Variants in PTK2B observed in about 807,000 individuals in gnomAD.
The protein encoded by PTK2B is protein-tyrosine kinase 2-beta.
Under a neutral mutation model 142.9 loss-of-function variants are expected in PTK2B, and 71 were observed. The ratio of observed to expected loss-of-function variants is 0.50; its 90% confidence interval spans 0.41 to 0.61. The LOEUF is 0.61. Among genes scored for constraint, PTK2B ranks in the 20% least tolerant of loss-of-function variants. PTK2B has a pLI of 0.00. For missense variants in PTK2B, 1,105 were observed against 1,320.4 expected (o/e 0.84, Z 2.53); for synonymous variants, 519 against 503.4 (o/e 1.03, Z -0.42).
chr8:27,411,660 G>C lies in PTK2B; in HGVS notation c.205-8235G>C, dbSNP rs1388930659. ...CCTCGTTTGTATGACTCCAAAGTTA[G>C]AGCTCTATCTGTGTCACTCATGGTC... On this transcript the variant is annotated intron_variant, in intron 2 of 30. Transcript: ENST00000346049. 2.0e-5 allele frequency among the ~76,000 whole-genome samples: 3 copies of C among 152,302 alleles called. No homozygotes were observed. The East Asian group carries it at 5.8e-4, about 29-fold the overall frequency.
intron 1 of PTK2B, among the ~76,000 whole-genome samples, chr8:27,347,474 G>A (rs537370565): frequency 1.1e-4 from 16 of 152,250 alleles, no homozygotes; most frequent in African/African-American, 3.6e-4. Flanking sequence ...ATTTTCTCCC[G>A]GTACTGGAGG....
intron 2 of PTK2B, among the ~76,000 whole-genome samples, chr8:27,403,180 C>G (rs1050119477): frequency 4.1e-4 from 62 of 152,278 alleles, no homozygotes; most frequent in African/African-American, 1.4e-3. Flanking sequence ...CTCATTTTCC[C>G]AGTACTCAGA....
chr8:27,343,112 G>A (rs886660872), intron 1 of PTK2B, among the ~76,000 whole-genome samples: 10 of 152,192 alleles, frequency 6.6e-5, no homozygotes, highest in African/African-American at 2.4e-4. Flanking sequence ...CCCCAGAGCT[G>A]TATTAAGAAT....
At chr8:27,404,670 A>G (rs986726919) in intron 2 of PTK2B, among the ~76,000 whole-genome samples, 10 of 152,260 alleles carry the variant, frequency 6.6e-5, no homozygotes, top group Non-Finnish European at 1.0e-4. Context: ...TGATCATACA[A>G]TCCCTTCCAG....
At chr8:27,315,694 T>C (rs969331615) in intron 3 of PTK2B, among the ~76,000 whole-genome samples, 1 of 152,066 alleles carries the variant, frequency 6.6e-6, no homozygotes, top group African/African-American at 2.4e-5. Flanking sequence ...AGAGTAGAAA[T>C]TGTATCTTTT....
chr8:27,414,829 C>A (rs747253240), intron 2 of PTK2B, among the ~76,000 whole-genome samples: 4 of 152,076 alleles, frequency 2.6e-5, no homozygotes, highest in Non-Finnish European at 4.4e-5. Context: ...CTGTTTGGTT[C>A]TTTGCTCACT....
At chr8:27,376,870 A>G (rs529642504) in intron 1 of PTK2B, among the ~76,000 whole-genome samples, 3 of 152,370 alleles carry the variant, frequency 2.0e-5, no homozygotes, top group South Asian at 2.1e-4. Flanking sequence ...TGCTGTGTCT[A>G]TGGAGTAGCC....
chr8:27,394,664 A>T (rs927157329), intron 1 of PTK2B, among the ~76,000 whole-genome samples: 1 of 152,188 alleles, frequency 6.6e-6, no homozygotes, highest in African/African-American at 2.4e-5. Context: ...TAATAGATTA[A>T]CCTTAGCTTA....
chr8:27,357,071 G>C lies in PTK2B; in HGVS notation c.-38+31390G>C, dbSNP rs148494180. 1.4e-4 allele frequency among the ~76,000 whole-genome samples: 22 copies of C among 152,234 alleles called. No individual in the cohort carries two copies. In the East Asian group the frequency reaches 3.9e-3, roughly 27 times the overall value. ...CACCCACACATACGAATGAATCCATGTAAAAAAAATAATGAAAATGGGATC... is the reference window on the plus strand; with the variant it reads ...CACCCACACATACGAATGAATCCATCTAAAAAAAATAATGAAAATGGGATC... On this transcript the variant is annotated intron_variant, in intron 1 of 30. Transcript: ENST00000346049.
chr8:27,381,327 C>T (rs1207190353), intron 1 of PTK2B, among the ~76,000 whole-genome samples: 1 of 152,200 alleles, frequency 6.6e-6, no homozygotes, highest in East Asian at 1.9e-4. Context: ...ACCAACCTCT[C>T]TCCATCCACC....
chr8:27,395,713 T>C (rs1808004748), intron 1 of PTK2B, among the ~76,000 whole-genome samples: 1 of 152,190 alleles, frequency 6.6e-6, no homozygotes, highest in Non-Finnish European at 1.5e-5. Flanking sequence ...CATTCTTTCC[T>C]GGCTCCTAGA....
At chr8:27,314,670 C>T (rs894904993) in intron 3 of PTK2B, among the ~76,000 whole-genome samples, 1 of 152,226 alleles carries the variant, frequency 6.6e-6, no homozygotes, top group African/African-American at 2.4e-5. Context: ...TGTAATGGGG[C>T]CTTTGAGCCC....
intron 18 of PTK2B, among the ~76,000 whole-genome samples, chr8:27,438,625 T>C (rs1810953394): frequency 2.0e-5 from 3 of 152,252 alleles, no homozygotes; most frequent in Non-Finnish European, 2.9e-5. Context: ...GGTTGGAGTT[T>C]ATCCTTGAAG....
At chr8:27,402,535 T>A (rs1410488470) in intron 2 of PTK2B, among the ~76,000 whole-genome samples, 2 of 152,170 alleles carry the variant, frequency 1.3e-5, no homozygotes, top group Admixed American at 1.3e-4. Flanking sequence ...GGGAAAGGGT[T>A]CTGAATTACT....
At chr8:27,317,752 T>A (rs985742630) in intron 3 of PTK2B, among the ~76,000 whole-genome samples, 1 of 152,196 alleles carries the variant, frequency 6.6e-6, no homozygotes, top group Non-Finnish European at 1.5e-5. Flanking sequence ...CCAGCTTCCC[T>A]CACATTCCCT....
chr8:27,385,915 A>C (rs1372860632), intron 1 of PTK2B, among the ~76,000 whole-genome samples: 2 of 146,508 alleles, frequency 1.4e-5, no homozygotes, highest in South Asian at 4.4e-4. Flanking sequence ...AAAAAAAGAC[A>C]GTATCCGAGG....
At chr8:27,355,378 T>G (rs1805338137) in intron 1 of PTK2B, among the ~76,000 whole-genome samples, 1 of 151,918 alleles carries the variant, frequency 6.6e-6, no homozygotes, top group Non-Finnish European at 1.5e-5. Context: ...ATGCTGCTGG[T>G]TTTGAAGATG....
At chr8:27,411,333 A>G (rs1809050096) in intron 2 of PTK2B, among the ~76,000 whole-genome samples, 1 of 152,136 alleles carries the variant, frequency 6.6e-6, no homozygotes, top group Non-Finnish European at 1.5e-5. Flanking sequence ...AGGTGAGAGC[A>G]TGTCAAATCT....
intron 1 of PTK2B, among the ~76,000 whole-genome samples, chr8:27,327,187 G>C (rs771822343): frequency 1.3e-5 from 2 of 152,210 alleles, no homozygotes; most frequent in Non-Finnish European, 2.9e-5. Flanking sequence ...AGCTGGGCTT[G>C]TTGGGAACCT....
Sources: gnomAD v4.1 joint callset for allele counts (sites outside exome capture counted in the v4.1 genomes callset) on GRCh38, gnomAD v4.1.1 for gene constraint, MANE v1.5 for transcripts, NCBI Gene and HGNC (gene_info 2026-07-23, HGNC 2026-07-21) for gene names.